The following MAPK8IP3 variants were observed in gnomAD, a reference collection of about 807,000 sequenced individuals.
The protein encoded by MAPK8IP3 is mitogen-activated protein kinase 8 interacting protein 3.
MAPK8IP3 carries 49 observed loss-of-function variants against 157.8 expected under a neutral mutation model. The ratio of observed to expected loss-of-function variants is 0.31; its 90% CI spans 0.25 to 0.39. The LOEUF is 0.39. Ranked by LOEUF, MAPK8IP3 falls within the 10% of genes least tolerant of loss-of-function variation. MAPK8IP3 has a pLI of 1.00. For synonymous variants in MAPK8IP3, 897 were observed against 777.7 expected (o/e 1.15, Z -2.55); for missense variants, 1,478 against 1,889.4 (o/e 0.78, Z 4.04).
At chr16:1,744,801 T>C (rs2040870177) in intron 5 of MAPK8IP3, 2 of 985,488 alleles carry the variant, frequency 2.0e-6, no homozygotes, top group South Asian at 9.4e-5. Flanking sequence ...CTTCATAAAT[T>C]GTAGCGTTTT....
At chr16:1,752,814 T>A (rs2041371246) in intron 8 of MAPK8IP3, among the ~76,000 whole-genome samples, 2 of 151,368 alleles carry the variant, frequency 1.3e-5, no homozygotes, top group South Asian at 4.2e-4. Context: ...AGTGGGGACC[T>A]CCTGCTGCTG....
At chr16:1,737,660 G>C (rs2040104041) in intron 4 of MAPK8IP3, among the ~76,000 whole-genome samples, 5 of 79,778 alleles carry the variant, frequency 6.3e-5, no homozygotes, top group Admixed American at 2.8e-4. Flanking sequence ...GTCCGTGTGA[G>C]CGTCCGTGTG....
intron 4 of MAPK8IP3, among the ~76,000 whole-genome samples, chr16:1,733,595 C>T (rs1222813418): frequency 1.3e-5 from 2 of 152,210 alleles, no homozygotes; most frequent in Non-Finnish European, 2.9e-5. Flanking sequence ...CCCGCGGGAC[C>T]CAGGGACCTG....
At chr16:1,764,525 C>T (rs2042144629) in intron 19 of MAPK8IP3, 66 bp downstream of exon 19, 17 of 1,555,372 alleles carry the variant, frequency 1.1e-5, no homozygotes, top group Admixed American at 1.9e-5. Context: ...AGCTGCAGAG[C>T]ATGCTGGGAG....
At chr16:1,718,487 G>A (rs967651640) in intron 1 of MAPK8IP3, among the ~76,000 whole-genome samples, 1 of 151,532 alleles carries the variant, frequency 6.6e-6, no homozygotes, top group African/African-American at 2.4e-5. Flanking sequence ...CCCGGCTAAT[G>A]ATCTTTAAAT....
At position 1,764,199 on chromosome 16, in the gene MAPK8IP3, C is replaced by G. The variant is rs906237666; in HGVS notation, c.2110C>G (p.Pro704Ala). The G allele has an allele frequency of 3.1e-6, 5 of 1,611,210 alleles. No homozygotes were observed. The highest frequency in any genetic ancestry group is 4.2e-6 in the Non-Finnish European group (5 of 1,179,264). The change falls in exon 18 of 32, where the codon CCC (proline) becomes GCC (alanine). Residue 704 changes from proline (P) to alanine (A), a missense_variant. By Grantham distance (27) the Pro-to-Ala change is conservative. Transcript: ENST00000610761. ...CTGCCGCCCTCTGGTGGAGAAGGAC[C>G]CCACCATGAAGGTGAGCCCGCGAGG... ...VYCRPLVEKD[P>A]TMKLWCAAGV...
chr16:1,761,096 C>A, intron 12 of MAPK8IP3, 128 bp from the exon 13 acceptor site: 1 of 732,554 alleles, frequency 1.4e-6, no homozygotes, highest in East Asian at 2.5e-5. Flanking sequence ...CTGAAGGGGT[C>A]CCTGTGGGGA....
rs1461233914 is a variant in MAPK8IP3 at position 1,718,899 on chromosome 16, A to C, written c.319-5658A>C. ...CCAAGTCTAGCCCTAGCATCTTCTCACTGAAAACGACTCAACATTAGGGGC... is the reference window on the plus strand; with the variant it reads ...CCAAGTCTAGCCCTAGCATCTTCTCCCTGAAAACGACTCAACATTAGGGGC... On this transcript the variant is annotated intron_variant, in intron 1 of 31. Transcript: ENST00000610761. Among the ~76,000 whole-genome samples the C allele has an allele frequency of 2.6e-5, 4 of 152,070 alleles. No individual in the cohort carries two copies. The South Asian group carries it at 6.2e-4, about 24-fold the overall frequency.
rs985674369 is a variant in MAPK8IP3, at chr16:1,760,120, A to G, written c.1304+105A>G. 3.9e-5 allele frequency: 49 copies of G among 1,250,172 alleles called. No homozygotes were observed. In the East Asian group the frequency reaches 9.0e-4, roughly 23 times the overall value. The allele number at this position is 1,250,172 out of a possible 1,614,324, so 77.4% of individuals were successfully genotyped here. A position where few individuals can be genotyped will look rare whatever the true frequency, so the allele number is the denominator to read the frequency against. ...GCGCCTTGGGGAGCACCTGGCTCCA[A>G]CGCCAGCAGCTGTCCTCATCTCTGG... On this transcript the variant is annotated intron_variant, in intron 11 of 31. Transcript: ENST00000610761.
intron 1 of MAPK8IP3, among the ~76,000 whole-genome samples, chr16:1,717,418 G>A (rs900441009): frequency 5.9e-5 from 9 of 152,262 alleles, no homozygotes; most frequent in Admixed American, 3.3e-4. Flanking sequence ...GAGTTGTTTC[G>A]TGTCTCGACT....
At chr16:1,757,109 A>T (rs1275028325) in intron 8 of MAPK8IP3, among the ~76,000 whole-genome samples, 2 of 149,776 alleles carry the variant, frequency 1.3e-5, no homozygotes, top group South Asian at 2.1e-4. Flanking sequence ...ATCAAGTGAC[A>T]TTTTTTTTTT....
At chr16:1,729,400 C>T in intron 3 of MAPK8IP3, 87 bp from the exon 4 acceptor site, 1 of 1,385,090 alleles carries the variant, frequency 7.2e-7, no homozygotes, top group Non-Finnish European at 1.0e-6. Context: ...TCTGCCTGCA[C>T]AGGGCAGCCG....
At position 1,747,064 on chromosome 16, in the gene MAPK8IP3, C is replaced by G. The variant is rs1364268129; in HGVS notation, c.783C>G (p.Ser261=). The part of the protein sequence containing the change: ...PQDEMSESGQ[S]SAAATPSTTG... ...ATGAAATGTCCGAGTCAGGCCAGTC[C>G]TCGGCGGCCGCCACACCCAGCACCA... Residue 261 remains serine, a synonymous_variant, in exon 6 of 32, where the codon TCC becomes TCG. Transcript: ENST00000610761. 1.5e-5 allele frequency: 25 copies of G among 1,613,400 alleles called. No homozygotes were observed. Among genetic ancestry groups the G allele is most frequent in the Admixed American group, 5.0e-5 (3 of 60,004 alleles).
intron 2 of MAPK8IP3, among the ~76,000 whole-genome samples, chr16:1,727,176 G>A (rs1446275028): frequency 6.6e-6 from 1 of 151,058 alleles, no homozygotes; most frequent in Non-Finnish European, 1.5e-5. Flanking sequence ...TGTGAGTGTC[G>A]TGTGCTGTGT....
chr16:1,749,003 G>C (rs2041138240), intron 8 of MAPK8IP3: 1 of 511,030 alleles, frequency 2.0e-6, no homozygotes, highest in Non-Finnish European at 3.7e-6. Flanking sequence ...ATCACCTCTA[G>C]GTTATGTTGT....
In MAPK8IP3 at chr16:1,760,020, G is replaced by C; in HGVS notation, c.1304+5G>C. On this transcript the variant is annotated splice_donor_5th_base_variant and intron_variant, in intron 11 of 31. Coordinates refer to ENST00000610761, the MANE Select transcript of MAPK8IP3 (RefSeq NM_001318852.2). ...CTCACAGCTTCTGGAAACCAAGTAA[G>C]AGTGCCCTTCTCCTGTGTGGTGGGG... is the stretch of plus-strand genomic sequence containing the variant. 2 of 1,614,168 alleles carry C rather than the reference G, an allele frequency of 1.2e-6. No individual in the cohort carries two copies. Among genetic ancestry groups the C allele is most frequent in the Non-Finnish European group, 1.7e-6 (2 of 1,180,006 alleles).
chr16:1,750,644 A>G (rs8056771), intron 8 of MAPK8IP3, among the ~76,000 whole-genome samples: 32,932 of 151,142 alleles, frequency 0.22, 3,768 homozygotes, highest in East Asian at 0.36. Context: ...ACCATGCTAT[A>G]ATGATTTTTT....
chr16:1,765,487 C>T (rs989956667), intron 20 of MAPK8IP3, among the ~76,000 whole-genome samples: 39 of 152,336 alleles, frequency 2.6e-4, no homozygotes, highest in African/African-American at 8.7e-4. Flanking sequence ...GAAAACATTT[C>T]CTCATGCTGA....
intron 1 of MAPK8IP3, among the ~76,000 whole-genome samples, chr16:1,715,637 T>A (rs935218500): frequency 6.6e-6 from 1 of 152,198 alleles, no homozygotes; most frequent in Non-Finnish European, 1.5e-5. Flanking sequence ...AGATCTTTGA[T>A]TCGTGTCAAG....
Sources: allele counts gnomAD v4.1 joint callset (sites outside exome capture counted in the v4.1 genomes callset), GRCh38; gene constraint gnomAD v4.1.1; transcripts MANE v1.5; gene names NCBI Gene and HGNC (gene_info 2026-07-23, HGNC 2026-07-21).